RRBP1: variants seen among roughly 807,000 people sequenced by gnomAD.
The protein encoded by RRBP1 is ribosome binding protein 1, also known as ribosome-binding protein 1.
In RRBP1, 94 loss-of-function variants were observed where a neutral mutation model predicts 165.2. The observed-to-expected ratio is 0.57, with a 90% CI of 0.48 to 0.68. RRBP1 has a LOEUF of 0.68. Ranked by LOEUF, RRBP1 falls within the 30% of genes least tolerant of loss-of-function variation. RRBP1 has a pLI of 0.00. For synonymous variants in RRBP1, 680 were observed against 714.5 expected, an observed-to-expected ratio of 0.95 and a Z score of 0.77; for missense variants, 1,676 against 1,763.0, an observed-to-expected ratio of 0.95 and a Z score of 0.88.
At chr20:17,655,144 C>T (rs1323760707) in intron 3 of RRBP1, among the ~76,000 whole-genome samples, 1 of 152,202 alleles carries the variant, frequency 6.6e-6, no homozygotes, top group Non-Finnish European at 1.5e-5. Flanking sequence ...GGCGCTGTCA[C>T]AAACACAAGA....
chr20:17,675,618 G>A lies in RRBP1; in HGVS notation c.-22+4381C>T, dbSNP rs112786089. ...TAGCCAACAGGCCTGAAGGAGATGA[G>A]GGAGCCAGCCATGTGCCATCTAAGG... On this transcript the variant is annotated intron_variant, in intron 2 of 24. Transcript: ENST00000377813. 1.9e-3 allele frequency among the ~76,000 whole-genome samples: 285 copies of A among 152,326 alleles called. 3 individuals carry two copies. Among genetic ancestry groups the A allele is most frequent in the African/African-American group, 6.4e-3 (265 of 41,572 alleles).
At position 17,614,079 on chromosome 20, in the gene RRBP1, G is replaced by T; in HGVS notation, c.*103C>A. The T allele has an allele frequency of 8.6e-7, 1 of 1,167,278 alleles. No homozygotes were observed. The highest frequency in any genetic ancestry group is 1.3e-6 in the Non-Finnish European group (1 of 778,506). 72.3% of individuals were successfully genotyped at this position (1,167,278 alleles called of 1,614,324 possible). A position where few individuals can be genotyped will look rare whatever the true frequency, so the allele number is the denominator to read the frequency against. On this transcript the variant is annotated 3_prime_UTR_variant, in exon 25 of 25. Coordinates refer to ENST00000377813, the MANE Select transcript of RRBP1 (RefSeq NM_001365613.2). Reference sequence around the variant, plus strand: ...ATGGCTTCTCTCGGAGCTACCGGAAGTTGGGCCTGGATAACGCTGTGTAGG... The same window carrying T: ...ATGGCTTCTCTCGGAGCTACCGGAATTTGGGCCTGGATAACGCTGTGTAGG...
intron 7 of RRBP1, among the ~76,000 whole-genome samples, chr20:17,634,736 T>C (rs2036216795): frequency 6.6e-6 from 1 of 152,142 alleles, no homozygotes; most frequent in African/African-American, 2.4e-5. Context: ...GCTGTGGCTT[T>C]TGGGGAAACA....
In RRBP1 at chr20:17,620,776, A is replaced by G. The variant is rs1222066973; in HGVS notation, c.3446T>C (p.Val1149Ala). 3 of 1,608,518 alleles carry G rather than the reference A, an allele frequency of 1.9e-6. No homozygotes were observed. The highest frequency in any genetic ancestry group is 1.7e-5 in the Admixed American group (1 of 59,996). The change falls in exon 17 of 25, where the codon GTG becomes GCG. Residue 1149 changes from valine to alanine, a missense_variant. Physicochemically the swap from Val to Ala is moderately conservative, Grantham distance 64 (BLOSUM62 0). Transcript: ENST00000377813. ...CCTCCACACCTGCTCCTCCTCCTCCACGCTCTTCTGCAGGTCTCTGAGCAT... is the reference window on the plus strand; with the variant it reads ...CCTCCACACCTGCTCCTCCTCCTCCGCGCTCTTCTGCAGGTCTCTGAGCAT... ...EGMLRDLQKS[V>A]EEEEQVWRAK...
In RRBP1 at chr20:17,659,812, T is replaced by C. The variant is rs1444852828; in HGVS notation, c.696A>G (p.Thr232=). The stretch of plus-strand genomic sequence containing the variant: ...TTTTCCCTTGGTTTGGGGTTCCCTC[T>C]GTCTTTTTGCCCTGGTTTGGGGTTC... ...AEGTPNQGKK[T]EGTPNQGKKA... The change falls in exon 3 of 25, where the codon ACA becomes ACG. Residue 232 remains threonine (T), a synonymous_variant. Transcript: ENST00000377813. The C allele has an allele frequency of 5.8e-6, 9 of 1,550,746 alleles. No individual in the cohort carries two copies. The highest frequency in any genetic ancestry group is 7.8e-6 in the Non-Finnish European group (9 of 1,146,892).
chr20:17,648,941 G>C (rs181269365), intron 3 of RRBP1, among the ~76,000 whole-genome samples: 23 of 152,348 alleles, frequency 1.5e-4, no homozygotes, highest in African/African-American at 5.3e-4. Context: ...TTAATCCCAG[G>C]CTGTCTGACC....
Position 17,615,431 on chromosome 20 carries a change from C to T in RRBP1, c.4050G>A (p.Lys1350=). The change falls in exon 23 of 25, where the codon AAG becomes AAA. Residue 1350 remains lysine (K), a splice_region_variant and synonymous_variant. Coordinates refer to ENST00000377813, the MANE Select transcript of RRBP1 (RefSeq NM_001365613.2). ...SSETEEASQL[K]ERLEKEKKLT... ...GACCCCCGCCCCAGCCCCTGCCTGC[C>T]TTCAGCTGTGAGGCCTCCTCTGTTT... 6.2e-7 allele frequency: 1 copy of T among 1,607,920 alleles called. No individual in the cohort carries two copies. The highest frequency in any genetic ancestry group is 8.5e-7 in the Non-Finnish European group (1 of 1,177,336).
chr20:17,617,486 CCAGA>C (rs1404379895), intron 20 of RRBP1, among the ~76,000 whole-genome samples: 2 of 152,222 alleles, frequency 1.3e-5, no homozygotes, highest in African/African-American at 2.4e-5. Flanking sequence ...CGTGGGAACC[CCAGA>C]CATTCTTCCC....
chr20:17,635,453 G>A, intron 7 of RRBP1, 93 bp downstream of exon 7: 1 of 904,200 alleles, frequency 1.1e-6, no homozygotes, highest in Admixed American at 2.3e-5. Context: ...CCCATGCCTG[G>A]CTCTTGTGCC....
chr20:17,625,804 C>T (rs1359343419), intron 11 of RRBP1, among the ~76,000 whole-genome samples: 5 of 152,134 alleles, frequency 3.3e-5, no homozygotes. Context: ...CCTCCCCCCG[C>T]CATCCAGAGC....
chr20:17,661,980 C>T (rs1007020737), intron 2 of RRBP1, among the ~76,000 whole-genome samples: 4 of 152,130 alleles, frequency 2.6e-5, no homozygotes, highest in Admixed American at 6.5e-5. Flanking sequence ...AAATCACTCT[C>T]GGCCGGGCGC....
chr20:17,660,401 G>A lies in RRBP1; in HGVS notation c.107C>T (p.Thr36Met), dbSNP rs763155990. 34 of 1,613,944 alleles carry A rather than the reference G, an allele frequency of 2.1e-5. No homozygotes were observed. In the South Asian group the frequency reaches 2.5e-4, roughly 12 times the overall value. Reference protein sequence around the residue: ...FLVSTFSMKETSYEEALANQR... With the variant: ...FLVSTFSMKEMSYEEALANQR... ...GTTGGCTAGGGCTTCTTCATATGAC[G>A]TTTCCTTCATGGAGAAAGTCGACAC... The change falls in exon 3 of 25, where the codon ACG (threonine) becomes ATG (methionine). Residue 36 changes from threonine to methionine, a missense_variant. This residue lies in a region of RRBP1 where 392 missense variants were observed against 382.5 expected (regional missense o/e 1.02). Coordinates refer to ENST00000377813, the MANE Select transcript of RRBP1 (RefSeq NM_001365613.2).
At chr20:17,645,599 G>A (rs2036449473) in intron 3 of RRBP1, among the ~76,000 whole-genome samples, 1 of 152,114 alleles carries the variant, frequency 6.6e-6, no homozygotes, top group African/African-American at 2.4e-5. Flanking sequence ...CCAAATCAAG[G>A]GCAGCACAAC....
At chr20:17,614,310 C>A in intron 24 of RRBP1, 90 bp from the exon 25 acceptor site, 1 of 1,263,480 alleles carries the variant, frequency 7.9e-7, no homozygotes. Flanking sequence ...TAGTCCCTCC[C>A]TGGATTGACC....
intron 4 of RRBP1, 104 bp downstream of exon 4, chr20:17,642,874 TG>T: frequency 8.0e-7 from 1 of 1,244,674 alleles, no homozygotes; most frequent in Non-Finnish European, 1.1e-6. Flanking sequence ...GAAAGAGAAG[TG>T]GAGGCTGTCC....
chr20:17,631,192 G>A (rs1432409632), intron 8 of RRBP1, among the ~76,000 whole-genome samples: 1 of 152,260 alleles, frequency 6.6e-6, no homozygotes, highest in Non-Finnish European at 1.5e-5. Context: ...CCTCTGCCAG[G>A]TGTCCCGGGC....
chr20:17,654,965 G>A (rs571114983), intron 3 of RRBP1, among the ~76,000 whole-genome samples: 1 of 152,186 alleles, frequency 6.6e-6, no homozygotes, highest in Admixed American at 6.5e-5. Flanking sequence ...GGCAAAGAGA[G>A]TATTTAAGAT....
At chr20:17,681,109 G>A (rs2122530727) in intron 1 of RRBP1, among the ~76,000 whole-genome samples, 1 of 151,608 alleles carries the variant, frequency 6.6e-6, no homozygotes, top group East Asian at 2.0e-4. Flanking sequence ...GCCGGGGCGG[G>A]CACCAGGCCG....
At chr20:17,677,835 G>A (rs1486788718) in intron 2 of RRBP1, among the ~76,000 whole-genome samples, 3 of 151,162 alleles carry the variant, frequency 2.0e-5, no homozygotes, top group Non-Finnish European at 4.4e-5. Flanking sequence ...GCGAAACTTT[G>A]TCTCAAAAAA....
Sources: allele counts gnomAD v4.1 joint callset (sites outside exome capture counted in the v4.1 genomes callset), GRCh38; gene constraint gnomAD v4.1.1; regional missense constraint gnomAD v4.1.1; transcripts MANE v1.5; gene names NCBI Gene and HGNC (gene_info 2026-07-23, HGNC 2026-07-21).